AFAP1L1: variants seen among roughly 807,000 people sequenced by gnomAD.
AFAP1L1 encodes the protein actin filament-associated protein 1-like 1.
In AFAP1L1, 77 loss-of-function variants were observed where a neutral mutation model predicts 99.8. That is an observed-to-expected ratio of 0.77 (90% CI 0.64 to 0.93). The LOEUF is 0.93. AFAP1L1 is among the 40% of genes least tolerant of loss of function. The pLI, the probability that AFAP1L1 is intolerant of heterozygous loss-of-function variation, is 0.00. For missense variants in AFAP1L1, 893 were observed against 996.8 expected (o/e 0.90, Z 1.40); for synonymous variants, 373 against 395.3 (o/e 0.94, Z 0.67).
intron 15 of AFAP1L1, among the ~76,000 whole-genome samples, chr5:149,326,695 G>A (rs1387271982): frequency 2.0e-5 from 3 of 152,154 alleles, no homozygotes; most frequent in Admixed American, 1.3e-4. Context: ...GGATCAGGCT[G>A]TGGAGTAATT....
At position 149,317,594 on chromosome 5, in the gene AFAP1L1, C is replaced by G. The variant is rs1406354167; in HGVS notation, c.1268-135C>G. 3 of 809,104 alleles carry G rather than the reference C, an allele frequency of 3.7e-6. No individual in the cohort carries two copies. The East Asian group carries it at 8.0e-5, about 22-fold the overall frequency. The allele number at this position is 809,104 out of a possible 1,614,324, so 50.1% of individuals were successfully genotyped here. ...ACTCAGAGAAATGCACACCCAAGGT[C>G]ACCCTGAGGTCACAGGGGAAAGAGA... On this transcript the variant is annotated intron_variant, in intron 11 of 18. Coordinates refer to ENST00000296721, the MANE Select transcript of AFAP1L1 (RefSeq NM_152406.4).
Position 149,316,134 on chromosome 5 carries a change from A to C in AFAP1L1, c.1115-17A>C. 1 of 1,611,098 alleles carries C rather than the reference A, an allele frequency of 6.2e-7. No individual in the cohort carries two copies. Among genetic ancestry groups the C allele is most frequent in the Non-Finnish European group, 8.5e-7 (1 of 1,177,858 alleles). ...ACTCAGGGCTCCCTCCACTCCCCTG[A>C]CCCATTTCCCCAACAGGCAAAGGGA... On this transcript the variant is annotated splice_polypyrimidine_tract_variant and intron_variant, in intron 10 of 18. Transcript: ENST00000296721.
rs1757526426 is a variant in AFAP1L1, at chr5:149,340,318, G to A, written c.*288G>A. 2.8e-6 allele frequency: 1 copy of A among 351,746 alleles called. No homozygotes were observed. The highest frequency in any genetic ancestry group is 5.3e-6 in the Non-Finnish European group (1 of 187,878). The allele number at this position is 351,746 out of a possible 1,614,324, so 21.8% of individuals were successfully genotyped here. On this transcript the variant is annotated 3_prime_UTR_variant, in exon 19 of 19. Transcript: ENST00000296721. ...CTGTAAAGGTTTTATAGATGTCTTT[G>A]CCTTCCCTTCTGAGGAAGGGAAGAA... is the stretch of plus-strand genomic sequence containing the variant.
In AFAP1L1 at chr5:149,322,668, G is replaced by A. The variant is rs777047757; in HGVS notation, c.1761G>A (p.Glu587=). The A allele has an allele frequency of 6.3e-7, 1 of 1,596,026 alleles. No individual in the cohort carries two copies. The highest frequency in any genetic ancestry group is 8.5e-7 in the Non-Finnish European group (1 of 1,170,596). ...AGCGTCACGCCTCCTCCTGCAGTGA[G>A]AAGTCCCATCGTGTGGACCCGCAGG... is the stretch of plus-strand genomic sequence containing the variant. ...QVKRHASSCS[E]KSHRVDPQVK... Residue 587 remains glutamate (E), a synonymous_variant, in exon 15 of 19, where the codon GAG becomes GAA. Transcript: ENST00000296721.
chr5:149,303,291 T>C (rs979326752), intron 5 of AFAP1L1, among the ~76,000 whole-genome samples: 17 of 152,216 alleles, frequency 1.1e-4, no homozygotes, highest in African/African-American at 3.6e-4. Context: ...CAAGTTACCA[T>C]TGAAAATCCC....
chr5:149,332,818 C>T lies in AFAP1L1; in HGVS notation c.2099C>T (p.Ser700Phe), dbSNP rs772019234. The change falls in exon 17 of 19, where the codon TCC becomes TTC. Residue 700 changes from serine to phenylalanine, a missense_variant. Ser to Phe is a radical substitution (Grantham distance 155). Transcript: ENST00000296721. ...GCTGTGAAGGAGCGCTTGCAGCAGT[C>T]CCTGGCAGGAGGGCCAGCCCTGGGG... Reference protein sequence around the residue: ...LVAVKERLQQSLAGGPALGLS... With the variant: ...LVAVKERLQQFLAGGPALGLS... 1.1e-5 allele frequency: 18 copies of T among 1,612,188 alleles called. No individual in the cohort carries two copies. Among genetic ancestry groups the T allele is most frequent in the Non-Finnish European group, 1.1e-5 (13 of 1,179,750 alleles).
chr5:149,293,244 C>A (rs1317413266), intron 1 of AFAP1L1, among the ~76,000 whole-genome samples: 1 of 152,180 alleles, frequency 6.6e-6, no homozygotes, highest in East Asian at 1.9e-4. Flanking sequence ...ACTGTGATCA[C>A]CCCCACTGTT....
chr5:149,340,029 A>G lies in AFAP1L1; in HGVS notation c.2306A>G (p.Ter769TrpextTer50). ...KAKEWEMKKT[*>W] The stretch of plus-strand genomic sequence containing the variant: ...CAGGAATGGGAAATGAAGAAGACCT[A>G]GGAAGAGGATGAGGATTTCATTCCA... The change falls in exon 19 of 19, where the codon TAG (stop) becomes TGG (tryptophan). Residue 769 changes from the stop codon to tryptophan (W), a stop_lost. Transcript: ENST00000296721. The G allele has an allele frequency of 2.5e-6, 4 of 1,614,086 alleles. No individual in the cohort carries two copies. Among genetic ancestry groups the G allele is most frequent in the Non-Finnish European group, 3.4e-6 (4 of 1,179,962 alleles).
intron 12 of AFAP1L1, among the ~76,000 whole-genome samples, chr5:149,319,183 C>G (rs551558808): frequency 6.6e-6 from 1 of 152,172 alleles, no homozygotes; most frequent in Non-Finnish European, 1.5e-5. Flanking sequence ...AACTATAACA[C>G]AAGAAACTAT....
chr5:149,307,598 G>A lies in AFAP1L1; in HGVS notation c.732G>A (p.Arg244=), dbSNP rs1756462234. ...GGGCCAAGCAGCTGACGGTCATCAG[G>A]GAGGACCAGCTCCTGGTGAGTGGTC... ...GQWAKQLTVI[R]EDQLLCYKSS... The change falls in exon 7 of 19, where the codon AGG becomes AGA. Residue 244 remains arginine (R), a synonymous_variant. Coordinates refer to ENST00000296721, the MANE Select transcript of AFAP1L1 (RefSeq NM_152406.4). The A allele has an allele frequency of 6.2e-7, 1 of 1,612,296 alleles. No individual in the cohort carries two copies. The highest frequency in any genetic ancestry group is 1.1e-5 in the South Asian group (1 of 90,996).
At chr5:149,292,432 A>G (rs771621031) in intron 1 of AFAP1L1, among the ~76,000 whole-genome samples, 1 of 152,208 alleles carries the variant, frequency 6.6e-6, no homozygotes, top group African/African-American at 2.4e-5. Context: ...GATTTCAGTC[A>G]TGTGGGGAGG....
chr5:149,273,455 G>T (rs1269293809), intron 1 of AFAP1L1, among the ~76,000 whole-genome samples: 1 of 151,970 alleles, frequency 6.6e-6, no homozygotes, highest in African/African-American at 2.4e-5. Flanking sequence ...AGCTCAGAGG[G>T]CCAGAGGGGA....
At chr5:149,325,416 GCT>G (rs1757069087) in intron 15 of AFAP1L1, among the ~76,000 whole-genome samples, 1 of 152,198 alleles carries the variant, frequency 6.6e-6, no homozygotes, top group South Asian at 2.1e-4. Flanking sequence ...TGCTGTAGAG[GCT>G]AAATTCTAGG....
At position 149,315,886 on chromosome 5, in the gene AFAP1L1, C is replaced by T. The variant is rs751769435; in HGVS notation, c.1086C>T (p.Thr362=). The change falls in exon 10 of 19, where the codon ACC becomes ACT. Residue 362 remains threonine, a synonymous_variant. Coordinates refer to ENST00000296721, the MANE Select transcript of AFAP1L1 (RefSeq NM_152406.4). The part of the protein sequence containing the change: ...DSVGVGDNCS[T]LGRRETCDHG... ...TGGGTGTGGGTGACAACTGTTCTAC[C>T]CTTGGCCGCCGGGAGACCTGTGATC... is the stretch of plus-strand genomic sequence containing the variant. 6.2e-7 allele frequency: 1 copy of T among 1,614,120 alleles called. No homozygotes were observed. Among genetic ancestry groups the T allele is most frequent in the Non-Finnish European group, 8.5e-7 (1 of 1,180,012 alleles).
intron 16 of AFAP1L1, among the ~76,000 whole-genome samples, chr5:149,330,240 G>C (rs1021779425): frequency 4.6e-5 from 7 of 152,222 alleles, no homozygotes; most frequent in African/African-American, 7.2e-5. Context: ...TAATGGACAT[G>C]ACACTTTCCC....
At chr5:149,338,279 G>T (rs1053376648) in intron 18 of AFAP1L1, among the ~76,000 whole-genome samples, 1 of 152,112 alleles carries the variant, frequency 6.6e-6, no homozygotes, top group Admixed American at 6.5e-5. Flanking sequence ...GGGCAACATG[G>T]CGAAACCCTG....
chr5:149,303,435 A>G (rs1756295991), intron 5 of AFAP1L1, among the ~76,000 whole-genome samples: 2 of 152,198 alleles, frequency 1.3e-5, no homozygotes, highest in Admixed American at 1.3e-4. Flanking sequence ...CGTTACATAT[A>G]AGAAACTACA....
chr5:149,317,258 A>G (rs1351440162), intron 11 of AFAP1L1, among the ~76,000 whole-genome samples: 1 of 152,210 alleles, frequency 6.6e-6, no homozygotes, highest in Admixed American at 6.5e-5. Context: ...GCAAATTTAA[A>G]TCTAAAACAT....
chr5:149,320,493 T>G lies in AFAP1L1; in HGVS notation c.1698+30T>G. ...AGTCCCTTGGGGCTGCCCAGGAATG[T>G]GGCAAAGGCCACTTATTAGCTCTCC... On this transcript the variant is annotated intron_variant, in intron 14 of 18. Coordinates refer to ENST00000296721, the MANE Select transcript of AFAP1L1 (RefSeq NM_152406.4). The surrounding 1 kb of genome is among the most constrained non-coding windows in gnomAD (Gnocchi z 4.0). 1 of 1,602,018 alleles carries G rather than the reference T, an allele frequency of 6.2e-7. No homozygotes were observed. The highest frequency in any genetic ancestry group is 1.3e-5 in the African/African-American group (1 of 74,778).
Sources: gnomAD v4.1 joint callset for allele counts (sites outside exome capture counted in the v4.1 genomes callset) on GRCh38, gnomAD v4.1.1 for gene constraint, Gnocchi (gnomAD v3.1) non-coding constraint, MANE v1.5 for transcripts, NCBI Gene and HGNC (gene_info 2026-07-23, HGNC 2026-07-21) for gene names.